Variants in TSPAN18 observed in about 807,000 individuals in gnomAD.
TSPAN18 encodes the protein tetraspanin 18.
In TSPAN18, 14 loss-of-function variants were observed where a neutral mutation model predicts 27.3. That is an observed-to-expected ratio of 0.51 (90% confidence interval 0.34 to 0.80). The LOEUF is 0.80. Among genes scored for constraint, TSPAN18 ranks in the 30% least tolerant of loss-of-function variants. TSPAN18 has a pLI of 0.01. For missense variants in TSPAN18, 268 were observed against 323.9 expected, an observed-to-expected ratio of 0.83 and a Z score of 1.32; for synonymous variants, 143 against 136.5, an observed-to-expected ratio of 1.05 and a Z score of -0.33.
intron 3 of TSPAN18, chr11:44,903,333 C>T (rs1394630643): frequency 4.6e-6 from 2 of 437,190 alleles, no homozygotes; most frequent in African/African-American, 4.0e-5. Context: ...AGCAGAGGCA[C>T]CAAGTAAGCG....
intron 8 of TSPAN18, among the ~76,000 whole-genome samples, chr11:44,923,119 A>G (rs1860206171): frequency 6.6e-6 from 1 of 152,154 alleles, no homozygotes; most frequent in Non-Finnish European, 1.5e-5. Context: ...AAAAAAAAGA[A>G]AAAAAGAAGC....
At chr11:44,834,533 C>T (rs953350041) in intron 2 of TSPAN18, among the ~76,000 whole-genome samples, 2 of 152,118 alleles carry the variant, frequency 1.3e-5, no homozygotes, top group Non-Finnish European at 2.9e-5. Flanking sequence ...TCACCATTGT[C>T]CTTTGCTAAA....
intron 1 of TSPAN18, among the ~76,000 whole-genome samples, chr11:44,737,172 G>T (rs980999066): frequency 1.3e-5 from 2 of 152,188 alleles, no homozygotes; most frequent in African/African-American, 2.4e-5. Context: ...TTATGTGGGG[G>T]CATGGGGAGG....
At chr11:44,864,167 G>A (rs1005291548) in intron 3 of TSPAN18, among the ~76,000 whole-genome samples, 1 of 151,560 alleles carries the variant, frequency 6.6e-6, no homozygotes, top group Non-Finnish European at 1.5e-5. Context: ...TTCGCCTGTA[G>A]TCCCAGCTAC....
intron 3 of TSPAN18, among the ~76,000 whole-genome samples, chr11:44,867,709 T>A (rs983572461): frequency 6.6e-6 from 1 of 152,014 alleles, no homozygotes; most frequent in Admixed American, 6.6e-5. Context: ...CGTTTATGTA[T>A]GTTTTAAAAG....
intron 2 of TSPAN18, among the ~76,000 whole-genome samples, chr11:44,808,123 T>A (rs764743237): frequency 6.6e-6 from 1 of 152,224 alleles, no homozygotes; most frequent in Non-Finnish European, 1.5e-5. Flanking sequence ...ACCCCTATTA[T>A]GTGCCAGGAG....
intron 2 of TSPAN18, among the ~76,000 whole-genome samples, chr11:44,856,032 T>C (rs1031556436): frequency 6.6e-6 from 1 of 151,804 alleles, no homozygotes; most frequent in Non-Finnish European, 1.5e-5. Flanking sequence ...ACCAGTTGTG[T>C]ACCACCACGC....
At chr11:44,801,899 G>A (rs1477509709) in intron 2 of TSPAN18, among the ~76,000 whole-genome samples, 1 of 152,104 alleles carries the variant, frequency 6.6e-6, no homozygotes, top group Non-Finnish European at 1.5e-5. Flanking sequence ...GGGTGTGGTG[G>A]TGTCCACCTG....
rs149709595 is a variant in TSPAN18 at position 44,819,172 on chromosome 11, T to C, written c.-152-41156T>C. ...GGCTGCCTTCAGGCGGGCTCTTCTC[T>C]GGAGTGGTTTGGCCCCATCTTGCCT... is the stretch of plus-strand genomic sequence containing the variant. On this transcript the variant is annotated intron_variant, in intron 2 of 9. Transcript: ENST00000520358. 7.4e-4 allele frequency among the ~76,000 whole-genome samples: 112 copies of C among 152,302 alleles called. 2 individuals are homozygous for C. In the East Asian group the frequency reaches 0.021, roughly 29 times the overall value.
At chr11:44,907,947 C>T (rs1219639479) in intron 4 of TSPAN18, among the ~76,000 whole-genome samples, 5 of 150,952 alleles carry the variant, frequency 3.3e-5, no homozygotes, top group Middle Eastern at 3.4e-3. Flanking sequence ...CCCAGCTACT[C>T]GGGAGGCTGA....
At chr11:44,800,675 G>T (rs902115027) in intron 2 of TSPAN18, among the ~76,000 whole-genome samples, 7 of 152,228 alleles carry the variant, frequency 4.6e-5, no homozygotes, top group Non-Finnish European at 1.0e-4. Context: ...CCTGTTTGCA[G>T]AAGTTTCTGG....
At chr11:44,869,268 C>T (rs1396925635) in intron 3 of TSPAN18, among the ~76,000 whole-genome samples, 2 of 152,174 alleles carry the variant, frequency 1.3e-5, no homozygotes, top group African/African-American at 4.8e-5. Context: ...ACCAAGAGAG[C>T]GTTCAGACTG....
At chr11:44,865,341 AAAT>A (rs1369188155) in intron 3 of TSPAN18, among the ~76,000 whole-genome samples, 2 of 152,200 alleles carry the variant, frequency 1.3e-5, no homozygotes, top group African/African-American at 4.8e-5. Context: ...GCTTTAAATT[AAAT>A]AATGAGTGTT....
chr11:44,814,557 G>T (rs1353858170), intron 2 of TSPAN18, among the ~76,000 whole-genome samples: 1 of 152,188 alleles, frequency 6.6e-6, no homozygotes, highest in Non-Finnish European at 1.5e-5. Flanking sequence ...GCAACACTTT[G>T]TGTCTGTGCC....
Position 44,830,944 on chromosome 11 carries a change from T to TA in TSPAN18, c.-152-29375dup, listed in dbSNP as rs530825203. Among the ~76,000 whole-genome samples the TA allele has an allele frequency of 3.8e-4, 57 of 151,284 alleles. 1 individual carries two copies. In the South Asian group the frequency reaches 7.2e-3, roughly 19 times the overall value. The stretch of plus-strand genomic sequence containing the variant: ...GAAAATTACCAAGCTAATTCACACT[T>TA]AAAAAAAAATGCCACTGTGCCGGCC... On this transcript the variant is annotated intron_variant, in intron 2 of 9. Coordinates refer to ENST00000520358, the MANE Select transcript of TSPAN18 (RefSeq NM_130783.5).
intron 1 of TSPAN18, among the ~76,000 whole-genome samples, chr11:44,728,873 TC>T (rs781655327): frequency 1.3e-5 from 2 of 152,224 alleles, no homozygotes; most frequent in Non-Finnish European, 2.9e-5. Flanking sequence ...CCTCCTCCCA[TC>T]ACCCCAAGTG....
chr11:44,772,858 G>A (rs950093216), intron 2 of TSPAN18, among the ~76,000 whole-genome samples: 1 of 151,756 alleles, frequency 6.6e-6, no homozygotes, highest in Non-Finnish European at 1.5e-5. Context: ...GGGTTTCTCC[G>A]TGTTGGTCAG....
chr11:44,748,634 G>A (rs932366124), intron 1 of TSPAN18, among the ~76,000 whole-genome samples: 1 of 152,190 alleles, frequency 6.6e-6, no homozygotes, highest in Non-Finnish European at 1.5e-5. Context: ...AAAATGGAAA[G>A]TTCAAGATCG....
At chr11:44,840,289 G>A (rs1487093499) in intron 2 of TSPAN18, among the ~76,000 whole-genome samples, 1 of 152,168 alleles carries the variant, frequency 6.6e-6, no homozygotes, top group African/African-American at 2.4e-5. Context: ...GCAGCCTTGA[G>A]GGTCTTTGCC....
Sources: allele counts gnomAD v4.1 joint callset (sites outside exome capture counted in the v4.1 genomes callset), GRCh38; gene constraint gnomAD v4.1.1; transcripts MANE v1.5; gene names NCBI Gene and HGNC (gene_info 2026-07-23, HGNC 2026-07-21).